The following USP34 variants were observed in gnomAD, a reference collection of about 807,000 sequenced individuals.
USP34 encodes ubiquitin specific peptidase 34, also known as ubiquitin carboxyl-terminal hydrolase 34.
A neutral mutation model predicts 460.3 loss-of-function variants in USP34; 70 were observed. The observed-to-expected ratio is 0.15, with a 90% confidence interval of 0.13 to 0.19. USP34 has a LOEUF of 0.19. Ranked by LOEUF, USP34 falls within the 10% of genes least tolerant of loss-of-function variation. The probability of loss-of-function intolerance (pLI) is 1.00; values close to 1 mark genes in which losing one functional copy is unlikely to be tolerated. For synonymous variants in USP34, 1,647 were observed against 1,405.3 expected (o/e 1.17, Z -3.85); for missense variants, 3,985 against 4,236.2 (o/e 0.94, Z 1.65).
chr2:61,255,699 G>A (rs960420788), intron 48 of USP34, among the ~76,000 whole-genome samples: 1 of 152,228 alleles, frequency 6.6e-6, no homozygotes, highest in South Asian at 2.1e-4. Context: ...CATAAGTGGT[G>A]TGGTGTTCTG....
At chr2:61,364,193 C>G (rs1386981547) in intron 10 of USP34, among the ~76,000 whole-genome samples, 1 of 152,070 alleles carries the variant, frequency 6.6e-6, no homozygotes, top group African/African-American at 2.4e-5. Flanking sequence ...CTGAGCAATA[C>G]AAGACACCAT....
chr2:61,452,318 CTT>C (rs35104375), intron 1 of USP34, among the ~76,000 whole-genome samples: 4 of 89,908 alleles, frequency 4.4e-5, no homozygotes, highest in African/African-American at 1.3e-4. Flanking sequence ...ATTCCCGGCA[CTT>C]TTTTTTTTTT....
chr2:61,194,343 G>A (rs1460916078), intron 75 of USP34: 7 of 973,112 alleles, frequency 7.2e-6, no homozygotes, highest in Non-Finnish European at 8.6e-6. Flanking sequence ...ACAAGGACAT[G>A]TCATCACATC....
chr2:61,387,008 A>T (rs2103879978), intron 5 of USP34, among the ~76,000 whole-genome samples: 1 of 152,306 alleles, frequency 6.6e-6, no homozygotes, highest in African/African-American at 2.4e-5. Flanking sequence ...TCTACCTAAA[A>T]AGACGTCTAT....
intron 29 of USP34, among the ~76,000 whole-genome samples, chr2:61,300,202 C>T (rs73936113): frequency 0.029 from 4,390 of 152,192 alleles, 220 homozygotes; most frequent in African/African-American, 0.1. Flanking sequence ...TTAATGTTGT[C>T]CACTTTGAGT....
intron 51 of USP34, among the ~76,000 whole-genome samples, chr2:61,244,085 C>T (rs1288046889): frequency 6.6e-6 from 1 of 151,382 alleles, no homozygotes; most frequent in Non-Finnish European, 1.5e-5. Flanking sequence ...TATCATTTCT[C>T]AACTTTCGGC....
In USP34 at chr2:61,405,826, G is replaced by C; in HGVS notation, c.434C>G (p.Pro145Arg). Residue 145 changes from proline (P) to arginine (R), a missense_variant, in exon 3 of 80, where the codon CCT becomes CGT. This residue lies in a region of USP34 where 331 missense variants were observed against 293.7 expected (regional missense o/e 1.13). Transcript: ENST00000398571. Reference protein sequence around the residue: ...TEEESSKSSDPFSLWSTDEKE... With the variant: ...TEEESSKSSDRFSLWSTDEKE... ...CTCATCTGTACTCCATAAACTAAAA[G>C]GATCAGAACTCTTTGAAGATTCCTC... 1 of 1,613,620 alleles carries C rather than the reference G, an allele frequency of 6.2e-7. No individual in the cohort carries two copies. The highest frequency in any genetic ancestry group is 1.1e-5 in the South Asian group (1 of 90,986).
intron 8 of USP34, among the ~76,000 whole-genome samples, chr2:61,370,833 T>C (rs1277607693): frequency 6.6e-6 from 1 of 152,192 alleles, no homozygotes; most frequent in East Asian, 1.9e-4. Context: ...AGTACACAAG[T>C]GTAACACTGA....
chr2:61,441,729 A>G (rs1262877694), intron 1 of USP34, among the ~76,000 whole-genome samples: 3 of 150,852 alleles, frequency 2.0e-5, no homozygotes, highest in African/African-American at 7.3e-5. Context: ...AACTGTGCTC[A>G]GGTCAAGGCT....
intron 2 of USP34, among the ~76,000 whole-genome samples, chr2:61,410,298 G>A (rs1466689479): frequency 1.3e-5 from 2 of 152,186 alleles, no homozygotes; most frequent in East Asian, 3.8e-4. Context: ...ATATTCTCAT[G>A]AAAAGTGTGC....
intron 1 of USP34, among the ~76,000 whole-genome samples, chr2:61,426,393 C>CA (rs1029687479): frequency 2.0e-5 from 3 of 152,056 alleles, no homozygotes; most frequent in Non-Finnish European, 2.9e-5. Context: ...TCCCAGGTAA[C>CA]AGAGCGTTCA....
chr2:61,398,888 A>G (rs1168450630), intron 3 of USP34, among the ~76,000 whole-genome samples: 1 of 152,196 alleles, frequency 6.6e-6, no homozygotes, highest in African/African-American at 2.4e-5. Flanking sequence ...GGCTATGACA[A>G]CCGGGGCCAG....
rs185329739 is a variant in USP34 at position 61,224,629 on chromosome 2, A to C, written c.7596-1333T>G. ...TGCCACGAAGTATACTTGCAAGTAG[A>C]ATAAATGCTTGATACTGTTTTCCAT... On this transcript the variant is annotated intron_variant, in intron 62 of 79. Transcript: ENST00000398571. Among the ~76,000 whole-genome samples the C allele has an allele frequency of 3.3e-5, 5 of 152,362 alleles. No individual in the cohort carries two copies. The East Asian group carries it at 7.7e-4, about 23-fold the overall frequency.
intron 1 of USP34, among the ~76,000 whole-genome samples, chr2:61,468,009 T>C (rs1425761715): frequency 2.0e-5 from 3 of 152,034 alleles, no homozygotes; most frequent in Admixed American, 6.6e-5. Flanking sequence ...ACTTTATAGG[T>C]AATTACTGCA....
At chr2:61,270,072 C>T (rs1435299439) in intron 41 of USP34, among the ~76,000 whole-genome samples, 1 of 152,208 alleles carries the variant, frequency 6.6e-6, no homozygotes, top group Non-Finnish European at 1.5e-5. Context: ...CCTTCCCAGC[C>T]TAAAATTACA....
intron 68 of USP34, among the ~76,000 whole-genome samples, chr2:61,212,611 G>A (rs1291075870): frequency 6.6e-6 from 1 of 152,166 alleles, no homozygotes; most frequent in Non-Finnish European, 1.5e-5. Context: ...ATATGCACAT[G>A]TCAGGAGAGG....
intron 57 of USP34, among the ~76,000 whole-genome samples, chr2:61,235,255 A>G (rs2103842584): frequency 6.6e-6 from 1 of 151,966 alleles, no homozygotes; most frequent in East Asian, 1.9e-4. Context: ...GTTAAGAAAT[A>G]TTTGGAAGAC....
intron 41 of USP34, among the ~76,000 whole-genome samples, chr2:61,277,447 G>T (rs1214608498): frequency 6.6e-6 from 1 of 151,930 alleles, no homozygotes; most frequent in African/African-American, 2.4e-5. Flanking sequence ...ATGTTGCCTT[G>T]GCTGGTCTCG....
chr2:61,379,468 C>T (rs1402867355), intron 7 of USP34, among the ~76,000 whole-genome samples: 1 of 152,022 alleles, frequency 6.6e-6, no homozygotes, highest in Non-Finnish European at 1.5e-5. Context: ...TGCAGTAAGC[C>T]GAGATCATGC....
Sources: allele counts gnomAD v4.1 joint callset (sites outside exome capture counted in the v4.1 genomes callset), GRCh38; gene constraint gnomAD v4.1.1; regional missense constraint gnomAD v4.1.1; transcripts MANE v1.5; gene names NCBI Gene and HGNC (gene_info 2026-07-23, HGNC 2026-07-21).